The following MARCHF1 variants were observed in gnomAD, a reference collection of about 807,000 sequenced individuals.
The protein encoded by MARCHF1 is E3 ubiquitin-protein ligase MARCHF1.
In MARCHF1, 40 loss-of-function variants were observed where a neutral mutation model predicts 54.2. The ratio of observed to expected loss-of-function variants is 0.74; its 90% CI spans 0.57 to 0.96. MARCHF1 has a LOEUF of 0.96. Ranked by LOEUF, MARCHF1 falls within the 40% of genes least tolerant of loss-of-function variation. The pLI, the probability that MARCHF1 is intolerant of heterozygous loss-of-function variation, is 0.00. For synonymous variants in MARCHF1, 236 were observed against 236.3 expected (o/e 1.00, Z 0.01); for missense variants, 586 against 656.5 (o/e 0.89, Z 1.17).
intron 4 of MARCHF1, among the ~76,000 whole-genome samples, chr4:163,724,025 G>A (rs994181764): frequency 3.9e-5 from 6 of 152,164 alleles, no homozygotes; most frequent in Non-Finnish European, 7.3e-5. Context: ...CTCTCAACTC[G>A]TCAAAGTCAT....
chr4:164,175,640 A>T (rs1730643654), intron 1 of MARCHF1, among the ~76,000 whole-genome samples: 1 of 152,196 alleles, frequency 6.6e-6, no homozygotes, highest in South Asian at 2.1e-4. Context: ...AAGTAGACTT[A>T]ATCTAATCGA....
intron 4 of MARCHF1, among the ~76,000 whole-genome samples, chr4:163,721,918 C>T (rs1046060699): frequency 9.2e-5 from 14 of 152,072 alleles, no homozygotes; most frequent in African/African-American, 2.9e-4. Context: ...ATGCTTCTCT[C>T]TTTTCCTCTT....
At chr4:164,163,571 A>G (rs1032606650) in intron 1 of MARCHF1, among the ~76,000 whole-genome samples, 4 of 152,136 alleles carry the variant, frequency 2.6e-5, no homozygotes, top group East Asian at 1.9e-4. Context: ...TAAAAAAGAC[A>G]GGACAAATTT....
chr4:163,924,313 G>A (rs147355001), intron 3 of MARCHF1, among the ~76,000 whole-genome samples: 49 of 152,142 alleles, frequency 3.2e-4, no homozygotes, highest in African/African-American at 1.0e-3. Context: ...CTTTTGACAT[G>A]TGAAGAAGAG....
At chr4:164,296,943 A>G (rs1734426547) in intron 1 of MARCHF1, among the ~76,000 whole-genome samples, 1 of 152,220 alleles carries the variant, frequency 6.6e-6, no homozygotes, top group African/African-American at 2.4e-5. Context: ...AATAGCTAAA[A>G]GCAAGTGCTC....
chr4:164,058,581 G>C lies in MARCHF1; in HGVS notation c.-248+53007C>G, dbSNP rs575522616. On this transcript the variant is annotated intron_variant, in intron 2 of 9. Transcript: ENST00000514618. ...TTTATGTTTTGCTAGTGAAGCCTAT[G>C]GGAGAAGCAAATGCCAACGACTTGG... is the stretch of plus-strand genomic sequence containing the variant. 6.6e-5 allele frequency among the ~76,000 whole-genome samples: 10 copies of C among 152,262 alleles called. No individual in the cohort carries two copies. In the South Asian group the frequency reaches 1.7e-3, roughly 25 times the overall value.
chr4:164,048,925 A>C (rs972899244), intron 2 of MARCHF1, among the ~76,000 whole-genome samples: 2 of 152,182 alleles, frequency 1.3e-5, no homozygotes, highest in African/African-American at 4.8e-5. Context: ...AGTTTTATAT[A>C]ATTATCTTAC....
intron 8 of MARCHF1, among the ~76,000 whole-genome samples, chr4:163,551,099 G>A (rs1739094043): frequency 6.6e-6 from 1 of 152,058 alleles, no homozygotes; most frequent in African/African-American, 2.4e-5. Context: ...TCCAGGAAAG[G>A]GTAATCAACA....
At chr4:163,621,335 CA>C (rs1429183416) in intron 5 of MARCHF1, among the ~76,000 whole-genome samples, 7 of 152,056 alleles carry the variant, frequency 4.6e-5, no homozygotes, top group Non-Finnish European at 1.0e-4. Flanking sequence ...TACCTTTGCC[CA>C]GGTTGATGAT....
At chr4:164,069,478 T>G (rs1258228337) in intron 2 of MARCHF1, among the ~76,000 whole-genome samples, 1 of 152,208 alleles carries the variant, frequency 6.6e-6, no homozygotes, top group Non-Finnish European at 1.5e-5. Flanking sequence ...GCTTCCCTGC[T>G]GAAGCCAGTG....
chr4:163,571,202 TGGACC>T (rs1444871296), intron 8 of MARCHF1, among the ~76,000 whole-genome samples: 1 of 152,128 alleles, frequency 6.6e-6, no homozygotes, highest in Non-Finnish European at 1.5e-5. Flanking sequence ...TAGTTGGAAT[TGGACC>T]TGTCTGGAAT....
At chr4:163,541,006 G>A (rs916973735) in intron 9 of MARCHF1, among the ~76,000 whole-genome samples, 1 of 152,120 alleles carries the variant, frequency 6.6e-6, no homozygotes, top group African/African-American at 2.4e-5. Context: ...CAGCCTGGGC[G>A]AGAGGAGTGA....
chr4:164,028,527 C>T (rs114173436), intron 2 of MARCHF1, among the ~76,000 whole-genome samples: 162 of 152,200 alleles, frequency 1.1e-3, no homozygotes, highest in Non-Finnish European at 2.0e-3. Context: ...ACAATGGTTA[C>T]ACATGGAAAT....
At chr4:163,793,703 G>T (rs562756151) in intron 4 of MARCHF1, among the ~76,000 whole-genome samples, 1 of 152,130 alleles carries the variant, frequency 6.6e-6, no homozygotes, top group East Asian at 1.9e-4. Context: ...AATCAGTTAT[G>T]TTATCTATAG....
At chr4:164,036,383 A>G (rs1754003021) in intron 2 of MARCHF1, among the ~76,000 whole-genome samples, 1 of 152,176 alleles carries the variant, frequency 6.6e-6, no homozygotes, top group African/African-American at 2.4e-5. Context: ...TATCAGATAA[A>G]GAAAAATGAC....
At chr4:164,042,873 G>A (rs1172848746) in intron 2 of MARCHF1, among the ~76,000 whole-genome samples, 2 of 152,214 alleles carry the variant, frequency 1.3e-5, no homozygotes, top group Non-Finnish European at 2.9e-5. Flanking sequence ...GACGGCTACA[G>A]GTCCCATGCA....
At chr4:163,622,274 C>T (rs576786367) in intron 5 of MARCHF1, among the ~76,000 whole-genome samples, 144 of 152,058 alleles carry the variant, frequency 9.5e-4, no homozygotes, top group African/African-American at 2.9e-3. Flanking sequence ...AACTGGCCCC[C>T]GATCCACCAG....
chr4:164,190,484 C>A, intron 1 of MARCHF1: 1 of 299,072 alleles, frequency 3.3e-6, no homozygotes, highest in African/African-American at 2.2e-5. Flanking sequence ...TGGCTGTTTA[C>A]GGCTTTTCAT....
intron 1 of MARCHF1, among the ~76,000 whole-genome samples, chr4:164,231,921 A>C (rs945875990): frequency 1.3e-5 from 2 of 152,150 alleles, no homozygotes. Context: ...TATAATTGCA[A>C]TTAAAATGAT....
Sources: gnomAD v4.1 joint callset for allele counts (sites outside exome capture counted in the v4.1 genomes callset) on GRCh38, gnomAD v4.1.1 for gene constraint, MANE v1.5 for transcripts, NCBI Gene and HGNC (gene_info 2026-07-23, HGNC 2026-07-21) for gene names.